Variants in ARHGEF10 observed in about 807,000 individuals in gnomAD.
ARHGEF10 encodes the protein Rho guanine nucleotide exchange factor 10.
In ARHGEF10, 140 loss-of-function variants were observed where a neutral mutation model predicts 147.4. The observed-to-expected ratio is 0.95, with a 90% CI of 0.83 to 1.09. The LOEUF is 1.09. Among genes scored for constraint, ARHGEF10 ranks in the 50% least tolerant of loss-of-function variants. The pLI, the probability that ARHGEF10 is intolerant of heterozygous loss-of-function variation, is 0.00. For synonymous variants in ARHGEF10, 902 were observed against 695.8 expected (o/e 1.30, Z -4.67); for missense variants, 2,222 against 1,752.7 (o/e 1.27, Z -4.78).
chr8:1,951,211 C>T (rs939752328), intron 27 of ARHGEF10, among the ~76,000 whole-genome samples: 3 of 152,252 alleles, frequency 2.0e-5, no homozygotes, highest in Non-Finnish European at 2.9e-5. Context: ...TTTGCGGCTG[C>T]GCCCCGGGCT....
intron 16 of ARHGEF10, chr8:1,904,142 T>C (rs962921398): frequency 2.0e-5 from 3 of 152,370 alleles, no homozygotes; most frequent in Non-Finnish European, 4.4e-5. Flanking sequence ...CACCTATGCA[T>C]GGGCTAAGCT....
At chr8:1,851,913 C>CAA (rs10716531) in intron 2 of ARHGEF10, among the ~76,000 whole-genome samples, 382 of 142,654 alleles carry the variant, frequency 2.7e-3, no homozygotes, top group African/African-American at 9.7e-3. Context: ...GACTCTGTCT[C>CAA]AAAAAAAAAA....
chr8:1,889,737 A>G (rs1201096964), intron 11 of ARHGEF10, among the ~76,000 whole-genome samples: 2 of 78,000 alleles, frequency 2.6e-5, no homozygotes, highest in Non-Finnish European at 5.1e-5. Flanking sequence ...GAGGGTTGCG[A>G]GGAGACATTG....
chr8:1,935,196 C>G (rs1399706715), intron 26 of ARHGEF10, among the ~76,000 whole-genome samples: 1 of 152,110 alleles, frequency 6.6e-6, no homozygotes, highest in African/African-American at 2.4e-5. Context: ...TGTACCCCTC[C>G]TCCCACACAC....
At position 1,948,024 on chromosome 8, in the gene ARHGEF10, G is replaced by A. The variant is rs117395523; in HGVS notation, c.3397+2369G>A. Among the ~76,000 whole-genome samples the A allele has an allele frequency of 2.0e-5, 3 of 151,982 alleles. No homozygotes were observed. The highest frequency in any genetic ancestry group is 2.9e-5 in the Non-Finnish European group (2 of 67,998). On this transcript the variant is annotated intron_variant, in intron 27 of 28. Coordinates refer to ENST00000349830, the MANE Select transcript of ARHGEF10 (RefSeq NM_014629.4). This position sits in a 1 kb window ranked among gnomAD's most constrained non-coding sequence, Gnocchi z 4.9. ...GCTAAATCGCAGCTGCCTGTGTTGC[G>A]TGTTTTGGATGATGAAGTTGTCTGT...
intron 18 of ARHGEF10, among the ~76,000 whole-genome samples, chr8:1,911,630 G>A (rs1327556189): frequency 3.3e-5 from 5 of 152,138 alleles, no homozygotes; most frequent in East Asian, 1.9e-4. Flanking sequence ...CTTCTATCCC[G>A]ACACGTCTGG....
intron 2 of ARHGEF10, among the ~76,000 whole-genome samples, chr8:1,849,503 T>G (rs1585255835): frequency 7.9e-6 from 1 of 126,016 alleles, no homozygotes; most frequent in African/African-American, 3.2e-5. Context: ...GGCAGCCACG[T>G]GGACACAGGG....
intron 8 of ARHGEF10, among the ~76,000 whole-genome samples, chr8:1,878,303 C>T (rs903989074): frequency 1.3e-5 from 2 of 152,090 alleles, no homozygotes; most frequent in Non-Finnish European, 2.9e-5. Context: ...AATTCTCCTG[C>T]CTCAGCCTCT....
chr8:1,915,074 G>GCC lies in ARHGEF10; in HGVS notation c.2143+5607_2143+5608dup, dbSNP rs34075653. ...CCTGCCACCACTCTCTGTGTCCTGT[G>GCC]CCCCTGTGTGCTCATGCGGCGTGTT... On this transcript the variant is annotated intron_variant, in intron 18 of 28. Transcript: ENST00000349830. 8.2e-3 allele frequency among the ~76,000 whole-genome samples: 1,254 copies of GCC among 152,256 alleles called. 10 individuals are homozygous for GCC. Among genetic ancestry groups the GCC allele is most frequent in the African/African-American group, 0.028 (1,173 of 41,542 alleles).
Position 1,909,320 on chromosome 8 carries a change from A to G in ARHGEF10, c.1993A>G (p.Ser665Gly). 1 of 1,614,214 alleles carries G rather than the reference A, an allele frequency of 6.2e-7. No homozygotes were observed. The highest frequency in any genetic ancestry group is 8.5e-7 in the Non-Finnish European group (1 of 1,180,046). ...SRPSHDSRVM[S>G]SQRYLLKWSV... ...CCCCTCTCATGACAGCCGTGTGATG[A>G]GCAGCCAGAGGTACTTGCTGAAGTG... Residue 665 changes from serine to glycine, a missense_variant, in exon 18 of 29, where the codon AGC becomes GGC. Physicochemically the swap from Ser to Gly is moderately conservative, Grantham distance 56. Coordinates refer to ENST00000349830, the MANE Select transcript of ARHGEF10 (RefSeq NM_014629.4).
intron 3 of ARHGEF10, among the ~76,000 whole-genome samples, chr8:1,859,645 C>T (rs1304299373): frequency 6.6e-6 from 1 of 151,864 alleles, no homozygotes; most frequent in African/African-American, 2.4e-5. Flanking sequence ...CAGCTTCTCC[C>T]TGACTTAGCT....
At chr8:1,880,016 T>C in intron 8 of ARHGEF10, 32 bp from the exon 9 acceptor site, 2 of 1,493,358 alleles carry the variant, frequency 1.3e-6, no homozygotes, top group Non-Finnish European at 1.9e-6. Flanking sequence ...AAGAGCCTTT[T>C]TGTGAAAAGA....
At chr8:1,859,429 C>T (rs1471868820) in intron 3 of ARHGEF10, among the ~76,000 whole-genome samples, 1 of 148,748 alleles carries the variant, frequency 6.7e-6, no homozygotes, top group Non-Finnish European at 1.5e-5. Context: ...TTGTGCGCAG[C>T]ACCCGCCTCT....
rs766271052 is a variant in ARHGEF10 at position 1,956,927 on chromosome 8, C to T, written c.3699C>T (p.Ser1233=). The T allele has an allele frequency of 4.3e-6, 7 of 1,614,168 alleles. No individual in the cohort carries two copies. The East Asian group carries it at 8.9e-5, about 21-fold the overall frequency. ...LPSGGAGSSL[S]QGDPDAAIWL... The stretch of plus-strand genomic sequence containing the variant: ...GTGGAGGAGCTGGTTCATCTCTGAG[C>T]CAGGGTGACCCTGACGCAGCCATCT... Residue 1233 remains serine (S), a synonymous_variant, in exon 29 of 29, where the codon AGC becomes AGT. Coordinates refer to ENST00000349830, the MANE Select transcript of ARHGEF10 (RefSeq NM_014629.4).
chr8:1,858,283 G>A (rs1345000524), intron 3 of ARHGEF10, among the ~76,000 whole-genome samples, 168 bp downstream of exon 3: 2 of 151,988 alleles, frequency 1.3e-5, no homozygotes, highest in Admixed American at 6.6e-5. Context: ...TGAGTCCGCA[G>A]ATCACCGGCA....
chr8:1,915,944 G>C (rs768374047), intron 18 of ARHGEF10, among the ~76,000 whole-genome samples: 3 of 152,202 alleles, frequency 2.0e-5, no homozygotes, highest in Non-Finnish European at 4.4e-5. Context: ...TGACATTCCA[G>C]AAACCTTCTA....
intron 23 of ARHGEF10, 40 bp from the exon 24 acceptor site, chr8:1,928,387 C>T (rs754220391): frequency 5.0e-6 from 8 of 1,592,982 alleles, no homozygotes; most frequent in African/African-American, 4.0e-5. Context: ...GAAGCCGCCA[C>T]ATGGTCGTTT....
At chr8:1,824,281 C>T (rs1486699600) in intron 1 of ARHGEF10, among the ~76,000 whole-genome samples, 168 bp downstream of exon 1, 1 of 151,978 alleles carries the variant, frequency 6.6e-6, no homozygotes, top group African/African-American at 2.4e-5. Flanking sequence ...CCCCCTCCCC[C>T]CGAGCAGCTC....
chr8:1,914,300 C>T (rs2129192237), intron 18 of ARHGEF10, among the ~76,000 whole-genome samples: 1 of 152,322 alleles, frequency 6.6e-6, no homozygotes, highest in African/African-American at 2.4e-5. Flanking sequence ...GGCCAAGTGG[C>T]CGTTCTGTGG....
Sources: allele counts gnomAD v4.1 joint callset (sites outside exome capture counted in the v4.1 genomes callset), GRCh38; gene constraint gnomAD v4.1.1; non-coding constraint Gnocchi (gnomAD v3.1); transcripts MANE v1.5; gene names NCBI Gene and HGNC (gene_info 2026-07-23, HGNC 2026-07-21).